The following AKAP9 variants were observed in gnomAD, a reference collection of about 807,000 sequenced individuals.
AKAP9 encodes A-kinase anchor protein 9.
AKAP9 carries 311 observed loss-of-function variants against 488.5 expected under a neutral mutation model. The observed-to-expected ratio is 0.64, with a 90% CI of 0.58 to 0.70. AKAP9 has a LOEUF of 0.70. Among genes scored for constraint, AKAP9 ranks in the 30% least tolerant of loss-of-function variants. The pLI is 0.00. For missense variants in AKAP9, 4,215 were observed against 4,374.5 expected, an observed-to-expected ratio of 0.96 and a Z score of 1.03; for synonymous variants, 1,462 against 1,483.5, an observed-to-expected ratio of 0.99 and a Z score of 0.33.
intron 14 of AKAP9, among the ~76,000 whole-genome samples, chr7:92,026,142 T>C (rs1238206745): frequency 6.6e-6 from 1 of 152,096 alleles, no homozygotes; most frequent in Non-Finnish European, 1.5e-5. Context: ...CTAGGGAATA[T>C]GGAAAATGAA....
At chr7:92,035,678 C>G (rs911346742) in intron 16 of AKAP9, among the ~76,000 whole-genome samples, 2 of 152,186 alleles carry the variant, frequency 1.3e-5, no homozygotes, top group Non-Finnish European at 2.9e-5. Context: ...CCTGTTTCTT[C>G]TTTCCCATAC....
At chr7:92,016,603 A>G (rs866363465) in intron 11 of AKAP9, among the ~76,000 whole-genome samples, 2 of 151,972 alleles carry the variant, frequency 1.3e-5, no homozygotes. Flanking sequence ...GTTCATATCA[A>G]TGGTTTTTGC....
chr7:92,027,544 G>A (rs1803485146), intron 14 of AKAP9, among the ~76,000 whole-genome samples: 1 of 146,802 alleles, frequency 6.8e-6, no homozygotes, highest in African/African-American at 2.5e-5. Context: ...CCTCTGCCCG[G>A]CTGCACCGTC....
In AKAP9 at chr7:92,000,893, GA is replaced by G; in HGVS notation, c.980del (p.Lys327ArgfsTer8). ...AAACTCAAATAAAGAAGAAATACAGGAAAAGGAGACAATCATTGAAGAATTA... is the reference window on the plus strand; with the variant it reads ...AAACTCAAATAAAGAAGAAATACAGGAAAGGAGACAATCATTGAAGAATTA... Reference protein sequence around the residue: ...VENSNKEEIQEKETIIEELNT... With the variant: ...VENSNKEEIQXKETIIEELNT... On this transcript the variant is annotated frameshift_variant, in exon 8 of 50. Transcript: ENST00000356239. LOFTEE classifies it high-confidence loss of function. The G allele has an allele frequency of 2.1e-6, 3 of 1,431,902 alleles. No individual in the cohort carries two copies. The highest frequency in any genetic ancestry group is 2.5e-5 in the East Asian group (1 of 40,028). The allele number at this position is 1,431,902 out of a possible 1,614,324, so 88.7% of individuals were successfully genotyped here.
At chr7:92,063,364 C>G (rs914710224) in intron 24 of AKAP9, 2 of 558,890 alleles carry the variant, frequency 3.6e-6, no homozygotes, top group Middle Eastern at 9.6e-4. Context: ...GTTTTTGATA[C>G]GTGTGTGTGC....
chr7:92,098,749 A>T lies in AKAP9; in HGVS notation c.10713+535A>T, dbSNP rs192140780. Among the ~76,000 whole-genome samples, 4 of 152,236 alleles carry T rather than the reference A, an allele frequency of 2.6e-5. No individual in the cohort carries two copies. The East Asian group carries it at 7.7e-4, about 29-fold the overall frequency. ...CTCTAACCTATAACTATGAAAGCTC[A>T]CACAGTCCGACACCCTGAGCTCTCA... is the stretch of plus-strand genomic sequence containing the variant. On this transcript the variant is annotated intron_variant, in intron 43 of 49. Transcript: ENST00000356239.
chr7:91,973,560 C>A, intron 1 of AKAP9, 151 bp from the exon 2 acceptor site: 1 of 821,352 alleles, frequency 1.2e-6, no homozygotes, highest in Non-Finnish European at 1.9e-6. Context: ...CCAGTAGTTA[C>A]ATTAAAGACT....
At chr7:92,078,856 A>G (rs1813049773) in intron 30 of AKAP9, among the ~76,000 whole-genome samples, 1 of 152,146 alleles carries the variant, frequency 6.6e-6, no homozygotes, top group African/African-American at 2.4e-5. Context: ...GGAATCAGCA[A>G]CTAAAAGCTT....
intron 31 of AKAP9, among the ~76,000 whole-genome samples, chr7:92,080,587 G>A (rs1388801641): frequency 1.2e-4 from 17 of 143,386 alleles, no homozygotes; most frequent in African/African-American, 3.5e-4. Context: ...GTGACAGAGC[G>A]AGACTCCATC....
At chr7:92,093,805 G>T (rs1046199759) in intron 39 of AKAP9, among the ~76,000 whole-genome samples, 1 of 151,886 alleles carries the variant, frequency 6.6e-6, no homozygotes, top group East Asian at 1.9e-4. Context: ...TTCAGTAAAA[G>T]ACAAAAATTT....
chr7:92,061,621 A>ATATAT (rs1809856756), intron 23 of AKAP9, among the ~76,000 whole-genome samples, 199 bp downstream of exon 23: 24 of 93,884 alleles, frequency 2.6e-4, no homozygotes, highest in African/African-American at 9.8e-4. Context: ...TATATATATA[A>ATATAT]AATTATAAAA....
At position 92,058,011 on chromosome 7, in the gene AKAP9, G is replaced by C. The variant is rs941443982; in HGVS notation, c.5602-3249G>C. ...TGGACTTTCCCCTTCCTTTTATTGTGCAGTTGTATGAATTAATTTTATAAC... is the reference window on the plus strand; with the variant it reads ...TGGACTTTCCCCTTCCTTTTATTGTCCAGTTGTATGAATTAATTTTATAAC... On this transcript the variant is annotated intron_variant, in intron 22 of 49. Transcript: ENST00000356239. 7.1e-5 allele frequency: 20 copies of C among 280,180 alleles called. No homozygotes were observed. In the East Asian group the frequency reaches 1.1e-3, roughly 16 times the overall value. The allele number at this position is 280,180 out of a possible 1,614,324, so 17.4% of individuals were successfully genotyped here.
Position 92,093,079 on chromosome 7 carries a change from T to TA in AKAP9, c.9359-16dup, listed in dbSNP as rs1815916998. The stretch of plus-strand genomic sequence containing the variant: ...AGTTGCTTGATTATGTTTCAAATAT[T>TA]AATCATGTTCTGTGTAGAACTCTTG... On this transcript the variant is annotated splice_polypyrimidine_tract_variant and intron_variant, in intron 38 of 49. Coordinates refer to ENST00000356239, the MANE Select transcript of AKAP9 (RefSeq NM_005751.5). The TA allele has an allele frequency of 1.3e-6, 2 of 1,595,902 alleles. No homozygotes were observed. Among genetic ancestry groups the TA allele is most frequent in the Non-Finnish European group, 1.7e-6 (2 of 1,164,238 alleles).
At chr7:92,079,040 A>G in intron 30 of AKAP9, 39 bp from the exon 31 acceptor site, 4 of 1,396,528 alleles carry the variant, frequency 2.9e-6, no homozygotes, top group Middle Eastern at 2.4e-4. Flanking sequence ...ATGTAAATAC[A>G]TATATATTAT....
At position 92,052,777 on chromosome 7, in the gene AKAP9, A is replaced by G; in HGVS notation, c.5420A>G (p.Asp1807Gly). Residue 1807 changes from aspartate to glycine, a missense_variant, in exon 22 of 50, where the codon GAC becomes GGC. This residue lies in a region of AKAP9 where 2,361 missense variants were observed against 2,430.0 expected (regional missense o/e 0.97). Coordinates refer to ENST00000356239, the MANE Select transcript of AKAP9 (RefSeq NM_005751.5). ...SYSGSDMPRN[D>G]INMWSKVTEE... ...TCTGGAAGTGATATGCCAAGAAATG[A>G]CATTAACATGTGGTCAAAAGTAACT... 1 of 1,613,814 alleles carries G rather than the reference A, an allele frequency of 6.2e-7. No homozygotes were observed. The highest frequency in any genetic ancestry group is 8.5e-7 in the Non-Finnish European group (1 of 1,179,788).
At chr7:91,998,574 T>C (rs1170893994) in intron 7 of AKAP9, among the ~76,000 whole-genome samples, 2 of 151,946 alleles carry the variant, frequency 1.3e-5, no homozygotes, top group African/African-American at 4.8e-5. Flanking sequence ...GTTGTTATTA[T>C]ATCAGGTGTT....
In AKAP9 at chr7:91,994,777, G is replaced by A. The variant is rs1798183983; in HGVS notation, c.732+1G>A. 1 of 1,609,364 alleles carries A rather than the reference G, an allele frequency of 6.2e-7. No individual in the cohort carries two copies. Among genetic ancestry groups the A allele is most frequent in the Non-Finnish European group, 8.5e-7 (1 of 1,177,470 alleles). On this transcript the variant is annotated splice_donor_variant, in intron 6 of 49. Transcript: ENST00000356239. LOFTEE classifies it high-confidence loss of function. ...AAAATTACAGATTCAATTTCAGCAAGTAAGTATTACTAATGCAACAAAATT... is the reference window on the plus strand; with the variant it reads ...AAAATTACAGATTCAATTTCAGCAAATAAGTATTACTAATGCAACAAAATT...
chr7:91,943,769 G>A lies in AKAP9; in HGVS notation c.48+2622G>A, dbSNP rs1791091154. Among the ~76,000 whole-genome samples the A allele has an allele frequency of 2.6e-5, 4 of 152,132 alleles. No individual in the cohort carries two copies. The South Asian group carries it at 8.3e-4, about 32-fold the overall frequency. ...TTAATAAGTGTTACTTTCCTAGCAC[G>A]GTTGTAATTTAATAACATTAATCTA... On this transcript the variant is annotated intron_variant, in intron 1 of 49. Coordinates refer to ENST00000356239, the MANE Select transcript of AKAP9 (RefSeq NM_005751.5).
At chr7:92,083,762 A>G in intron 33 of AKAP9, 107 bp downstream of exon 33, 2 of 1,176,218 alleles carry the variant, frequency 1.7e-6, no homozygotes, top group Non-Finnish European at 2.4e-6. Flanking sequence ...CAACTCATTA[A>G]GGCACTTGAT....
Sources: gnomAD v4.1 joint callset for allele counts (sites outside exome capture counted in the v4.1 genomes callset) on GRCh38, gnomAD v4.1.1 for gene constraint, gnomAD v4.1.1 regional missense constraint, MANE v1.5 for transcripts, NCBI Gene and HGNC (gene_info 2026-07-23, HGNC 2026-07-21) for gene names.